Variants in GBE1 observed in about 807,000 individuals in gnomAD.
GBE1 encodes 1,4-alpha-glucan branching enzyme 1.
GBE1 carries 70 observed loss-of-function variants against 88.8 expected under a neutral mutation model. That is an observed-to-expected ratio of 0.79 (90% CI 0.65 to 0.96). The LOEUF is 0.96. Ranked by LOEUF, GBE1 falls within the 40% of genes least tolerant of loss-of-function variation. The pLI, the probability that GBE1 is intolerant of heterozygous loss-of-function variation, is 0.00. For missense variants in GBE1, 872 were observed against 871.0 expected, an observed-to-expected ratio of 1.00 and a Z score of -0.01; for synonymous variants, 284 against 300.1, an observed-to-expected ratio of 0.95 and a Z score of 0.56.
chr3:81,534,053 G>C (rs552067022), intron 14 of GBE1, among the ~76,000 whole-genome samples: 18 of 152,092 alleles, frequency 1.2e-4, no homozygotes, highest in African/African-American at 4.1e-4. Flanking sequence ...CTTTATTGTA[G>C]CTGGAGCCAC....
chr3:81,710,230 A>ATTTTTTTTTT (rs375326721), intron 1 of GBE1, among the ~76,000 whole-genome samples: 2 of 74,704 alleles, frequency 2.7e-5, no homozygotes, highest in Non-Finnish European at 4.9e-5. Context: ...AAGGTAATTA[A>ATTTTTTTTTT]TCTTTTTTTT....
chr3:81,612,074 C>T (rs1704188785), intron 7 of GBE1, among the ~76,000 whole-genome samples: 1 of 151,952 alleles, frequency 6.6e-6, no homozygotes, highest in Non-Finnish European at 1.5e-5. Flanking sequence ...TGGGAAGAAA[C>T]AAACACTAGT....
chr3:81,638,107 AT>A (rs1273390964), intron 7 of GBE1, among the ~76,000 whole-genome samples: 3 of 152,128 alleles, frequency 2.0e-5, no homozygotes, highest in Non-Finnish European at 4.4e-5. Context: ...AATATTATAT[AT>A]AGTGTCTATC....
intron 2 of GBE1, among the ~76,000 whole-genome samples, chr3:81,674,946 T>C (rs1705232840): frequency 6.6e-6 from 1 of 152,038 alleles, no homozygotes; most frequent in Admixed American, 6.6e-5. Flanking sequence ...GAAAGGTCTC[T>C]ATCTAGGTCA....
chr3:81,599,600 C>G (rs1304302456), intron 7 of GBE1, among the ~76,000 whole-genome samples: 1 of 152,078 alleles, frequency 6.6e-6, no homozygotes, highest in Non-Finnish European at 1.5e-5. Flanking sequence ...TATATCTAAA[C>G]AGAAAAGGTA....
intron 14 of GBE1, among the ~76,000 whole-genome samples, chr3:81,522,507 A>T (rs1702888386): frequency 6.6e-6 from 1 of 151,290 alleles, no homozygotes; most frequent in Admixed American, 6.6e-5. Flanking sequence ...GTGCGTTGTA[A>T]ATTATGTTGG....
At chr3:81,509,659 C>G (rs1217103015) in intron 14 of GBE1, 1 of 151,660 alleles carries the variant, frequency 6.6e-6, no homozygotes, top group African/African-American at 2.4e-5. Context: ...TTGCAGTCTC[C>G]TCCTTGGGTT....
intron 14 of GBE1, among the ~76,000 whole-genome samples, chr3:81,524,933 T>C (rs903068986): frequency 6.6e-6 from 1 of 151,928 alleles, no homozygotes; most frequent in African/African-American, 2.4e-5. Flanking sequence ...TGTTTTTCCA[T>C]TTATTTGACA....
intron 1 of GBE1, among the ~76,000 whole-genome samples, chr3:81,712,017 A>G (rs1705875529): frequency 6.6e-6 from 1 of 152,348 alleles, no homozygotes; most frequent in East Asian, 1.9e-4. Flanking sequence ...TTCTCAAAAG[A>G]AGACATTTAT....
intron 12 of GBE1, among the ~76,000 whole-genome samples, chr3:81,572,662 C>T (rs893809080): frequency 1.3e-5 from 2 of 152,118 alleles, no homozygotes; most frequent in Admixed American, 1.3e-4. Flanking sequence ...TATTTTAAAA[C>T]ATCTGTACAT....
At chr3:81,622,481 C>T (rs1704346592) in intron 7 of GBE1, among the ~76,000 whole-genome samples, 1 of 152,198 alleles carries the variant, frequency 6.6e-6, no homozygotes, top group Non-Finnish European at 1.5e-5. Flanking sequence ...TTCACACACA[C>T]TCTTCAGATG....
At position 81,733,459 on chromosome 3, in the gene GBE1, T is replaced by A. The variant is rs1706215445; in HGVS notation, c.144-27846A>T. ...CCCAAAACAATCCCCTGCCCCCCAT[T>A]CATGGAAAAATTGTCTTCCACAAAA... is the stretch of plus-strand genomic sequence containing the variant. On this transcript the variant is annotated intron_variant, in intron 1 of 15. Coordinates refer to ENST00000429644, the MANE Select transcript of GBE1 (RefSeq NM_000158.4). The surrounding 1 kb of genome is among the most constrained non-coding windows in gnomAD (Gnocchi z 4.0). Among the ~76,000 whole-genome samples, 1 of 152,094 alleles carries A rather than the reference T, an allele frequency of 6.6e-6. No individual in the cohort carries two copies. The highest frequency in any genetic ancestry group is 1.5e-5 in the Non-Finnish European group (1 of 68,008).
intron 7 of GBE1, among the ~76,000 whole-genome samples, chr3:81,630,105 C>T (rs1382777285): frequency 6.6e-6 from 1 of 152,040 alleles, no homozygotes; most frequent in Non-Finnish European, 1.5e-5. Context: ...TTTTCTTAAT[C>T]CAGTCTATCA....
At chr3:81,602,265 C>T (rs1298776358) in intron 7 of GBE1, among the ~76,000 whole-genome samples, 1 of 152,156 alleles carries the variant, frequency 6.6e-6, no homozygotes, top group African/African-American at 2.4e-5. Context: ...TTATTACATA[C>T]TATCAGTTCA....
chr3:81,732,197 C>T (rs140499635), intron 1 of GBE1, among the ~76,000 whole-genome samples: 4 of 152,054 alleles, frequency 2.6e-5, no homozygotes, highest in African/African-American at 4.8e-5. Flanking sequence ...CATTAAGCCA[C>T]GTCAAAAAAT....
chr3:81,750,572 TATAC>T (rs1481738177), intron 1 of GBE1, among the ~76,000 whole-genome samples: 25 of 64,122 alleles, frequency 3.9e-4, no homozygotes, highest in African/African-American at 1.6e-3. Context: ...TGTATATATA[TATAC>T]GTATATATAT....
At chr3:81,540,066 G>T (rs962395032) in intron 12 of GBE1, among the ~76,000 whole-genome samples, 1 of 151,872 alleles carries the variant, frequency 6.6e-6, no homozygotes, top group African/African-American at 2.4e-5. Context: ...CAGGGTAAAG[G>T]GGACATTAGA....
At chr3:81,712,542 A>G (rs1705883611) in intron 1 of GBE1, among the ~76,000 whole-genome samples, 1 of 152,002 alleles carries the variant, frequency 6.6e-6, no homozygotes, top group South Asian at 2.1e-4. Flanking sequence ...GCAAACTATC[A>G]CAAGGACAAA....
At chr3:81,502,689 ATTTG>A (rs1048996032) in intron 14 of GBE1, among the ~76,000 whole-genome samples, 1 of 152,156 alleles carries the variant, frequency 6.6e-6, no homozygotes, top group Admixed American at 6.6e-5. Context: ...TGAGCAACTG[ATTTG>A]TTTGTTTTAC....
Sources: allele counts gnomAD v4.1 joint callset (sites outside exome capture counted in the v4.1 genomes callset), GRCh38; gene constraint gnomAD v4.1.1; non-coding constraint Gnocchi (gnomAD v3.1); transcripts MANE v1.5; gene names NCBI Gene and HGNC (gene_info 2026-07-23, HGNC 2026-07-21).